The following KDM6A variants were observed in gnomAD, a reference collection of about 807,000 sequenced individuals.
KDM6A encodes lysine demethylase 6A, also known as lysine-specific demethylase 6A.
In KDM6A, 11 loss-of-function variants were observed where a neutral mutation model predicts 117.6. The ratio of observed to expected loss-of-function variants is 0.09; its 90% CI spans 0.06 to 0.15. The LOEUF (loss-of-function observed/expected upper bound fraction) is 0.15, where lower values mean the gene tolerates loss of function less well. Ranked by LOEUF, KDM6A falls within the 10% of genes least tolerant of loss-of-function variation. KDM6A has a pLI of 1.00. For synonymous variants in KDM6A, 384 were observed against 396.1 expected, an observed-to-expected ratio of 0.97 and a Z score of 0.36; for missense variants, 799 against 1,077.3, an observed-to-expected ratio of 0.74 and a Z score of 3.62.
chrX:45,024,430 A>T (rs1054228044), intron 6 of KDM6A, among the ~76,000 whole-genome samples: 1 of 110,857 alleles, frequency 9.0e-6, no homozygotes, highest in African/African-American at 3.3e-5. Context: ...GGCCATTTGT[A>T]TATCTTCTTT....
intron 9 of KDM6A, 116 bp from the exon 10 acceptor site, chrX:45,053,713 A>T: frequency 1.6e-6 from 1 of 606,623 alleles, no homozygotes. Context: ...ACTCCAAACT[A>T]AATTAATAAA....
At chrX:44,921,345 A>G (rs183070275) in intron 2 of KDM6A, among the ~76,000 whole-genome samples, 73 of 112,017 alleles carry the variant, frequency 6.5e-4, no homozygotes, top group Non-Finnish European at 1.2e-3. Context: ...TGACATTGGT[A>G]AAGCTTATTT....
At chrX:45,069,498 G>T (rs925717065) in intron 17 of KDM6A, 81 bp from the exon 18 acceptor site, 16 of 920,452 alleles carry the variant, frequency 1.7e-5, no homozygotes, top group Middle Eastern at 3.5e-4. Context: ...ATTTTTAGTG[G>T]CTTTTCTCTT....
At chrX:45,043,748 A>G (rs1023772405) in intron 8 of KDM6A, among the ~76,000 whole-genome samples, 1 of 111,468 alleles carries the variant, frequency 9.0e-6, no homozygotes, top group African/African-American at 3.3e-5. Flanking sequence ...ACTGCACGCC[A>G]GCCTGGATGA....
chrX:45,041,149 A>C (rs1457076469), intron 8 of KDM6A, among the ~76,000 whole-genome samples: 2 of 69,533 alleles, frequency 2.9e-5, no homozygotes, highest in Non-Finnish European at 5.0e-5. Flanking sequence ...TCCCTCCCGG[A>C]CGGGGCGGCT....
At chrX:45,076,963 G>T in intron 19 of KDM6A, 137 bp downstream of exon 19, 1 of 519,672 alleles carries the variant, frequency 1.9e-6, no homozygotes, top group Non-Finnish European at 3.2e-6. Context: ...TGGGGGCGGG[G>T]GGGAAGATAT....
At position 45,043,331 on chromosome X, in the gene KDM6A, T is replaced by C. The variant is rs147029530; in HGVS notation, c.654+5642T>C. 1.0e-3 allele frequency among the ~76,000 whole-genome samples: 113 copies of C among 111,309 alleles called. 2 individuals are homozygous for C. The East Asian group carries it at 0.029, about 29-fold the overall frequency. On this transcript the variant is annotated intron_variant, in intron 8 of 29. Transcript: ENST00000611820. The stretch of plus-strand genomic sequence containing the variant: ...AAAAAAAAGGTCTTTTGTAGAGATA[T>C]GAGTAAAGGATTAAAAAAATTTTTT...
chrX:45,084,087 G>T (rs1054139406), intron 24 of KDM6A, among the ~76,000 whole-genome samples: 1 of 111,527 alleles, frequency 9.0e-6, no homozygotes, highest in Non-Finnish European at 1.9e-5. Context: ...TTTCTAAGTG[G>T]ATCACAACTC....
chrX:44,910,274 C>T (rs1280729257), intron 2 of KDM6A, among the ~76,000 whole-genome samples: 2 of 111,435 alleles, frequency 1.8e-5, no homozygotes, highest in African/African-American at 6.5e-5. Flanking sequence ...GCAACCTGCG[C>T]CTCCCGGGTT....
intron 6 of KDM6A, among the ~76,000 whole-genome samples, chrX:45,021,511 G>A (rs1199799837): frequency 9.0e-6 from 1 of 111,349 alleles, no homozygotes; most frequent in Admixed American, 9.6e-5. Context: ...TGATTCTAAA[G>A]GAAGGGTGGT....
intron 21 of KDM6A, 186 bp from the exon 22 acceptor site, chrX:45,082,390 C>A: frequency 2.3e-6 from 1 of 428,821 alleles, no homozygotes. Context: ...GCCGGGGTCG[C>A]ACCACTGCAC....
chrX:45,085,268 T>G (rs1343474502), intron 24 of KDM6A, among the ~76,000 whole-genome samples: 1 of 111,884 alleles, frequency 8.9e-6, no homozygotes, highest in Non-Finnish European at 1.9e-5. Flanking sequence ...AGCTAATATT[T>G]ATTGCTTACT....
intron 2 of KDM6A, among the ~76,000 whole-genome samples, chrX:44,958,041 T>C (rs889682679): frequency 9.0e-6 from 1 of 111,730 alleles, no homozygotes; most frequent in Non-Finnish European, 1.9e-5. Flanking sequence ...GCACAGATCA[T>C]AGGGTATTTG....
intron 2 of KDM6A, among the ~76,000 whole-genome samples, chrX:44,907,445 TTGTGTGTGTG>T (rs71867476): frequency 1.8e-4 from 17 of 93,509 alleles, no homozygotes; most frequent in East Asian, 1.3e-3. Context: ...GCCCGGCTAA[TTGTGTGTGTG>T]TGTGTGTGTG....
At chrX:44,962,477 A>G (rs1430163906) in intron 3 of KDM6A, among the ~76,000 whole-genome samples, 1 of 111,701 alleles carries the variant, frequency 9.0e-6, no homozygotes, top group African/African-American at 3.3e-5. Context: ...TACTTAGCAA[A>G]ATGGTTTCAG....
At chrX:44,891,061 T>C (rs2033320828) in intron 2 of KDM6A, among the ~76,000 whole-genome samples, 1 of 111,179 alleles carries the variant, frequency 9.0e-6, no homozygotes, top group Non-Finnish European at 1.9e-5. Context: ...TTTTGAGATT[T>C]CTTTATATTT....
chrX:45,096,531 C>A (rs941885018), intron 27 of KDM6A, among the ~76,000 whole-genome samples: 1 of 111,601 alleles, frequency 9.0e-6, no homozygotes, highest in Non-Finnish European at 1.9e-5. Context: ...AAGGTTCTTC[C>A]GAAAGAGTGG....
chrX:45,006,414 C>T (rs2041490845), intron 4 of KDM6A, among the ~76,000 whole-genome samples: 1 of 110,623 alleles, frequency 9.0e-6, no homozygotes, highest in African/African-American at 3.3e-5. Context: ...CAAGATACTT[C>T]TATAGAAGGG....
chrX:45,063,769 C>G lies in KDM6A; in HGVS notation c.2031C>G (p.Thr677=), dbSNP rs780539873. 8.3e-7 allele frequency: 1 copy of G among 1,206,111 alleles called. No homozygotes were observed. The highest frequency in any genetic ancestry group is 2.2e-5 in the Admixed American group (1 of 45,491). ...LTLPHNRTNL[T]SSAEEPWKNQ... is the part of the protein sequence containing the mutation. ...TACCTCATAACCGCACAAACCTGAC[C>G]AGCAGCGCAGAGGAGCCGTGGAAAA... The change falls in exon 17 of 30, where the codon ACC becomes ACG. Residue 677 remains threonine, a synonymous_variant. Transcript: ENST00000611820.
Sources: allele counts gnomAD v4.1 joint callset (sites outside exome capture counted in the v4.1 genomes callset), GRCh38; gene constraint gnomAD v4.1.1; transcripts MANE v1.5; gene names NCBI Gene and HGNC (gene_info 2026-07-23, HGNC 2026-07-21).